PRDM8: variants seen among roughly 807,000 people sequenced by gnomAD.
The protein encoded by PRDM8 is PR/SET domain 8, also known as PR domain zinc finger protein 8.
In PRDM8, 13 loss-of-function variants were observed where a neutral mutation model predicts 46.5. The ratio of observed to expected loss-of-function variants is 0.28; its 90% CI spans 0.18 to 0.44. PRDM8 has a LOEUF of 0.44. Ranked by LOEUF, PRDM8 falls within the 20% of genes least tolerant of loss-of-function variation. The probability of loss-of-function intolerance (pLI) is 1.00; values close to 1 mark genes in which losing one functional copy is unlikely to be tolerated. For missense variants in PRDM8, 998 were observed against 955.0 expected (o/e 1.04, Z -0.59); for synonymous variants, 473 against 438.4 (o/e 1.08, Z -0.98).
upstream of PRDM8, chr4:80,196,850 C>CA: frequency 1.1e-6 from 1 of 947,896 alleles, no homozygotes; most frequent in Non-Finnish European, 1.3e-6. Flanking sequence ...CTAGGAGGTA[C>CA]CGTTATGTCC....
chr4:80,186,469 A>G (rs1737098131), intron 1 of PRDM8, among the ~76,000 whole-genome samples: 1 of 45,898 alleles, frequency 2.2e-5, no homozygotes, highest in African/African-American at 6.2e-5. Flanking sequence ...GATTGTCAAG[A>G]TCAGATCAGT....
At position 80,202,680 on chromosome 4, in the gene PRDM8, C is replaced by G. The variant is rs2109879340; in HGVS notation, c.1218C>G (p.Gly406=). The change falls in exon 4 of 4, where the codon GGC becomes GGG. Residue 406 remains glycine, a synonymous_variant. Coordinates refer to ENST00000415738, the MANE Select transcript of PRDM8 (RefSeq NM_001099403.2). ...ASLQEEGTAD[G]AGVASEDQDA... ...TGCAGGAGGAGGGGACAGCCGACGG[C>G]GCGGGAGTCGCCTCCGAGGACCAGG... 2 of 1,413,330 alleles carry G rather than the reference C, an allele frequency of 1.4e-6. No individual in the cohort carries two copies. The highest frequency in any genetic ancestry group is 1.8e-6 in the Non-Finnish European group (2 of 1,088,678). 87.5% of individuals were successfully genotyped at this position (1,413,330 alleles called of 1,614,324 possible). A position where few individuals can be genotyped will look rare whatever the true frequency, so the allele number is the denominator to read the frequency against.
rs1483564352 is a variant in PRDM8 at position 80,201,875 on chromosome 4, T to C, written c.452-39T>C. The C allele has an allele frequency of 4.5e-5, 67 of 1,488,470 alleles. 1 individual carries two copies. The highest frequency in any genetic ancestry group is 1.1e-4 in the East Asian group (5 of 44,674). 92.2% of individuals were successfully genotyped at this position (1,488,470 alleles called of 1,614,324 possible). On this transcript the variant is annotated intron_variant, in intron 3 of 3. Transcript: ENST00000415738. ...TGTGGTGTGCGTGTGTGTGTGTGTG[T>C]GCGTGCGTGCGTGTGTGTGGTGTTT...
At chr4:80,186,942 G>T (rs1737142786) in intron 1 of PRDM8, among the ~76,000 whole-genome samples, 1 of 152,224 alleles carries the variant, frequency 6.6e-6, no homozygotes, top group African/African-American at 2.4e-5. Context: ...GGTAGAAGCA[G>T]ATGGCTACTG....
rs3733334 is a variant in PRDM8, at chr4:80,201,815, T to C, written c.452-99T>C. On this transcript the variant is annotated intron_variant, in intron 3 of 3. Transcript: ENST00000415738. ...GAAGGTGGATTTGTCAAGGGGATGG[T>C]GGCAAACTGGCTTGGGGGCGATGCT... 602 of 1,542,452 alleles carry C rather than the reference T, an allele frequency of 3.9e-4. 5 individuals are homozygous for C. The East Asian group carries it at 0.011, about 27-fold the overall frequency.
At position 80,187,250 on chromosome 4, in the gene PRDM8, G is replaced by GGC. The variant is rs909965935; in HGVS notation, c.-983+1733_-983+1734insCG. ...GTATCAGCATTCTCTGCCCTGGGGCGGGGGGAAGCAGAAGAATATCATCTT... is the reference window on the plus strand; with the variant it reads ...GTATCAGCATTCTCTGCCCTGGGGCGGCGGGGGAAGCAGAAGAATATCATCTT... On this transcript the variant is annotated intron_variant, in intron 1 of 9. Coordinates refer to the PRDM8 transcript ENST00000339711. Among the ~76,000 whole-genome samples the GGC allele has an allele frequency of 1.2e-4, 17 of 140,112 alleles. 2 individuals carry two copies. The highest frequency in any genetic ancestry group is 1.0e-3 in the East Asian group (5 of 4,976). 91.9% of individuals were successfully genotyped at this position (140,112 alleles called of 152,430 possible).
rs201251555 is a variant in PRDM8, at chr4:80,202,852, C to T, written c.1390C>T (p.Pro464Ser). 917 of 1,233,840 alleles carry T rather than the reference C, an allele frequency of 7.4e-4. 10 individuals carry two copies. The African/African-American group carries it at 0.013, about 18-fold the overall frequency. The allele number at this position is 1,233,840 out of a possible 1,614,324, so 76.4% of individuals were successfully genotyped here. A position where few individuals can be genotyped will look rare whatever the true frequency, so the allele number is the denominator to read the frequency against. The change falls in exon 4 of 4, where the codon CCG (proline) becomes TCG (serine). Residue 464 changes from proline to serine, a missense_variant. Coordinates refer to ENST00000415738, the MANE Select transcript of PRDM8 (RefSeq NM_001099403.2). ...GAGGGGCAGCGCCTTCACTTCGGTG[C>T]CGCAGCTGGGCAGCGCGGGCAGCAC... The part of the protein sequence containing the change: ...PARGSAFTSV[P>S]QLGSAGSTSG...
At chr4:80,196,386 G>C, upstream of PRDM8, 2 of 985,512 alleles carry the variant, frequency 2.0e-6, no homozygotes, top group Non-Finnish European at 2.4e-6. Context: ...AGAAGCCCGA[G>C]ATTCCCCAGC....
chr4:80,201,058 TAAATA>T (rs1387338131), intron 2 of PRDM8, among the ~76,000 whole-genome samples: 2 of 152,204 alleles, frequency 1.3e-5, no homozygotes, highest in African/African-American at 4.8e-5. Context: ...AACGGTGACT[TAAATA>T]AACTATATGA....
chr4:80,203,254 G>A lies in PRDM8; in HGVS notation c.1792G>A (p.Ala598Thr). 2 of 1,565,594 alleles carry A rather than the reference G, an allele frequency of 1.3e-6. No homozygotes were observed. The highest frequency in any genetic ancestry group is 1.4e-5 in the African/African-American group (1 of 73,412). Residue 598 changes from alanine (A) to threonine (T), a missense_variant, in exon 4 of 4, where the codon GCG (alanine) becomes ACG (threonine). Transcript: ENST00000415738. ...TGCAGCCGCGGCTGCGGCGGCGGCC[G>A]CGGGGCCCTTGCAGCTGCAGCTGCC... ...AAAAAAAAAA[A>T]GPLQLQLPSA...
At chr4:80,195,586 C>T (rs1328962767), upstream of PRDM8, among the ~76,000 whole-genome samples, 1 of 151,522 alleles carries the variant, frequency 6.6e-6, no homozygotes, top group African/African-American at 2.4e-5. Flanking sequence ...AGCAATCAGT[C>T]AGAAGACAAT....
chr4:80,203,619 C>G lies in PRDM8; in HGVS notation c.*87C>G. 5 of 1,478,800 alleles carry G rather than the reference C, an allele frequency of 3.4e-6. No homozygotes were observed. Among genetic ancestry groups the G allele is most frequent in the Non-Finnish European group, 4.5e-6 (5 of 1,112,840 alleles). 91.6% of individuals were successfully genotyped at this position (1,478,800 alleles called of 1,614,324 possible). On this transcript the variant is annotated 3_prime_UTR_variant, in exon 4 of 4. Coordinates refer to ENST00000415738, the MANE Select transcript of PRDM8 (RefSeq NM_001099403.2). ...AACACGCGAGAACATCCACCGCTTC[C>G]TTGCACCCCGAAACCCTGCACAAAG...
At chr4:80,192,320 A>G (rs1379101716) in intron 2 of PRDM8, among the ~76,000 whole-genome samples, 1 of 152,222 alleles carries the variant, frequency 6.6e-6, no homozygotes, top group Admixed American at 6.5e-5. Flanking sequence ...CACCTAAAAC[A>G]GAGAAGAAAA....
At chr4:80,191,343 G>A (rs953254066) in intron 1 of PRDM8, 2 of 152,280 alleles carry the variant, frequency 1.3e-5, no homozygotes, top group African/African-American at 4.8e-5. Context: ...TATTCAACAT[G>A]TTTATTCTTA....
In PRDM8 at chr4:80,189,006, C is replaced by CG. The variant is rs141896501; in HGVS notation, c.-982-2463dup. 8.4e-3 allele frequency among the ~76,000 whole-genome samples: 1,286 copies of CG among 152,308 alleles called. 20 individuals carry two copies. Among genetic ancestry groups the CG allele is most frequent in the African/African-American group, 0.029 (1,224 of 41,566 alleles). On this transcript the variant is annotated intron_variant, in intron 1 of 9. Coordinates refer to the PRDM8 transcript ENST00000339711. ...TCAGTTACCTCGTCCTGCCAAGCTC[C>CG]GGGACTTGGGTGTGTAGGGGAGGGC...
rs777390514 is a variant in PRDM8 at position 80,201,895 on chromosome 4, G to C, written c.452-19G>C. The stretch of plus-strand genomic sequence containing the variant: ...GTGTGTGCGTGCGTGCGTGTGTGTG[G>C]TGTTTGCTCACTAAGCAGGGTCGTC... On this transcript the variant is annotated intron_variant, in intron 3 of 3. Coordinates refer to ENST00000415738, the MANE Select transcript of PRDM8 (RefSeq NM_001099403.2). 6.2e-7 allele frequency: 1 copy of C among 1,613,090 alleles called. No individual in the cohort carries two copies. Among genetic ancestry groups the C allele is most frequent in the African/African-American group, 1.3e-5 (1 of 74,700 alleles).
intron 1 of PRDM8, among the ~76,000 whole-genome samples, chr4:80,198,116 G>A (rs1216221754): frequency 6.6e-6 from 1 of 152,242 alleles, no homozygotes; most frequent in East Asian, 1.9e-4. Flanking sequence ...GCTGTGAAAC[G>A]TTGCGTGGCA....
Position 80,202,610 on chromosome 4 carries a change from G to T in PRDM8, c.1148G>T (p.Arg383Leu). 6.5e-7 allele frequency: 1 copy of T among 1,531,758 alleles called. No homozygotes were observed. The highest frequency in any genetic ancestry group is 1.2e-5 in the South Asian group (1 of 83,698). 94.9% of individuals were successfully genotyped at this position (1,531,758 alleles called of 1,614,324 possible). A position where few individuals can be genotyped will look rare whatever the true frequency, so the allele number is the denominator to read the frequency against. The change falls in exon 4 of 4, where the codon CGC (arginine) becomes CTC (leucine). Residue 383 changes from arginine to leucine, a missense_variant. By Grantham distance (102) the Arg-to-Leu change is moderately radical. Transcript: ENST00000415738. ...PPSPETGEAK[R>L]SAFVEVKKAA... ...AGTCCCGAGACGGGCGAGGCGAAGC[G>T]CAGCGCCTTCGTGGAGGTGAAGAAG...
upstream of PRDM8, among the ~76,000 whole-genome samples, chr4:80,193,732 T>C (rs936725260): frequency 5.3e-5 from 8 of 152,134 alleles, no homozygotes; most frequent in African/African-American, 2.4e-5. Flanking sequence ...TTAATAAGCT[T>C]AGGAAGGAGC....
Sources: allele counts gnomAD v4.1 joint callset (sites outside exome capture counted in the v4.1 genomes callset), GRCh38; gene constraint gnomAD v4.1.1; transcripts MANE v1.5; gene names NCBI Gene and HGNC (gene_info 2026-07-23, HGNC 2026-07-21).